The following PHACTR1 variants were observed in gnomAD, a reference collection of about 807,000 sequenced individuals.
The protein encoded by PHACTR1 is RPEL repeat containing 1.
Under a neutral mutation model 69.2 loss-of-function variants are expected in PHACTR1, and 16 were observed. The ratio of observed to expected loss-of-function variants is 0.23; its 90% CI spans 0.16 to 0.35. The LOEUF (loss-of-function observed/expected upper bound fraction) is 0.35, where lower values mean the gene tolerates loss of function less well. Ranked by LOEUF, PHACTR1 falls within the 10% of genes least tolerant of loss-of-function variation. PHACTR1 has a pLI of 1.00. For synonymous variants in PHACTR1, 312 were observed against 284.5 expected, an observed-to-expected ratio of 1.10 and a Z score of -0.97; for missense variants, 510 against 734.7, an observed-to-expected ratio of 0.69 and a Z score of 3.54.
chr6:13,023,339 A>G (rs924074979), intron 4 of PHACTR1, among the ~76,000 whole-genome samples: 29 of 152,284 alleles, frequency 1.9e-4, no homozygotes, highest in African/African-American at 6.3e-4. Context: ...AAGAGGGATG[A>G]CTTTTCTAAT....
chr6:13,198,190 G>A (rs1162763865), intron 7 of PHACTR1, among the ~76,000 whole-genome samples: 1 of 152,168 alleles, frequency 6.6e-6, no homozygotes, highest in Non-Finnish European at 1.5e-5. Flanking sequence ...AAATAGCCAC[G>A]CTCAGTGAAA....
chr6:13,134,554 G>T (rs1190909172), intron 5 of PHACTR1, among the ~76,000 whole-genome samples: 8 of 151,956 alleles, frequency 5.3e-5, no homozygotes, highest in Non-Finnish European at 1.2e-4. Flanking sequence ...GATTAAGGGC[G>T]GTGCAAGTTG....
intron 5 of PHACTR1, among the ~76,000 whole-genome samples, chr6:13,062,073 A>T (rs1284815228): frequency 1.3e-5 from 2 of 152,182 alleles, no homozygotes; most frequent in Non-Finnish European, 2.9e-5. Flanking sequence ...AGCTTCACGT[A>T]ATTGATGATA....
chr6:12,944,684 C>T (rs571482386), intron 4 of PHACTR1, among the ~76,000 whole-genome samples: 9 of 152,152 alleles, frequency 5.9e-5, no homozygotes, highest in Middle Eastern at 3.4e-3. Flanking sequence ...AGCTAGGTAA[C>T]GTAGAGAAGA....
intron 5 of PHACTR1, among the ~76,000 whole-genome samples, chr6:13,086,956 A>T (rs1394492046): frequency 6.6e-6 from 1 of 151,918 alleles, no homozygotes; most frequent in Non-Finnish European, 1.5e-5. Context: ...TATTTTAGCC[A>T]TTCTTATAGG....
At chr6:13,260,894 T>C (rs1311642705) in intron 10 of PHACTR1, among the ~76,000 whole-genome samples, 1 of 152,220 alleles carries the variant, frequency 6.6e-6, no homozygotes, top group Non-Finnish European at 1.5e-5. Context: ...TTATCAAGAA[T>C]TGATTCAGTA....
At chr6:12,726,514 G>A (rs1762815923) in intron 3 of PHACTR1, among the ~76,000 whole-genome samples, 1 of 152,102 alleles carries the variant, frequency 6.6e-6, no homozygotes, top group Non-Finnish European at 1.5e-5. Flanking sequence ...CTTCTAACCA[G>A]ACTCGAAGGA....
At chr6:13,243,695 T>A (rs1773181313) in intron 10 of PHACTR1, among the ~76,000 whole-genome samples, 1 of 152,198 alleles carries the variant, frequency 6.6e-6, no homozygotes, top group African/African-American at 2.4e-5. Flanking sequence ...ACCCAGGTAA[T>A]AAGCATAGTA....
chr6:12,939,745 A>G (rs1467459046), intron 4 of PHACTR1, among the ~76,000 whole-genome samples: 2 of 151,932 alleles, frequency 1.3e-5, no homozygotes, highest in African/African-American at 2.4e-5. Context: ...AGTCACTGGC[A>G]GAGGTGGGCT....
intron 3 of PHACTR1, among the ~76,000 whole-genome samples, chr6:12,731,217 T>C (rs1763483927): frequency 6.6e-6 from 1 of 152,124 alleles, no homozygotes; most frequent in Non-Finnish European, 1.5e-5. Flanking sequence ...GGTTTCACCA[T>C]GTTGGCCAGG....
At chr6:12,769,569 T>A (rs1057117443) in intron 4 of PHACTR1, among the ~76,000 whole-genome samples, 4 of 152,188 alleles carry the variant, frequency 2.6e-5, no homozygotes, top group Non-Finnish European at 5.9e-5. Flanking sequence ...AATATTGTAA[T>A]AGCATCTATT....
intron 4 of PHACTR1, among the ~76,000 whole-genome samples, chr6:12,881,238 T>A (rs1783066183): frequency 6.6e-6 from 1 of 152,274 alleles, no homozygotes; most frequent in East Asian, 1.9e-4. Flanking sequence ...ATGGTGAATA[T>A]TAAGGAAGAG....
intron 3 of PHACTR1, among the ~76,000 whole-genome samples, chr6:12,741,079 T>C (rs1212441758): frequency 3.9e-5 from 6 of 152,040 alleles, no homozygotes; most frequent in Admixed American, 3.9e-4. Context: ...GTTTCTAAGA[T>C]AGAAACTTAC....
intron 4 of PHACTR1, among the ~76,000 whole-genome samples, chr6:13,003,963 A>ATATATATATATATATATATATG (rs890144098): frequency 1.1e-5 from 1 of 90,254 alleles, no homozygotes; most frequent in South Asian, 3.8e-4. Context: ...ATATATATAT[A>ATATATATATATATATATATATG]TGTATATATA....
At chr6:13,033,847 G>T (rs1034478665) in intron 4 of PHACTR1, among the ~76,000 whole-genome samples, 1 of 151,690 alleles carries the variant, frequency 6.6e-6, no homozygotes, top group Non-Finnish European at 1.5e-5. Context: ...TAATAAAATT[G>T]TTCATACTTT....
chr6:13,032,895 C>T (rs1802675660), intron 4 of PHACTR1, among the ~76,000 whole-genome samples: 1 of 152,060 alleles, frequency 6.6e-6, no homozygotes, highest in Non-Finnish European at 1.5e-5. Flanking sequence ...GCTACTGTGC[C>T]CAGTGATATG....
At chr6:13,089,342 G>GCT (rs1468282198) in intron 5 of PHACTR1, among the ~76,000 whole-genome samples, 2 of 152,174 alleles carry the variant, frequency 1.3e-5, no homozygotes, top group Non-Finnish European at 2.9e-5. Context: ...GAGGGTGCAG[G>GCT]CTCTAGGGGG....
intron 4 of PHACTR1, among the ~76,000 whole-genome samples, chr6:12,805,909 T>C (rs889006420): frequency 2.6e-5 from 4 of 152,156 alleles, no homozygotes; most frequent in Non-Finnish European, 5.9e-5. Context: ...CCTATTTTCT[T>C]ATCTTCAGAT....
chr6:12,743,239 A>C (rs2127588581), intron 3 of PHACTR1, among the ~76,000 whole-genome samples: 1 of 152,042 alleles, frequency 6.6e-6, no homozygotes, highest in South Asian at 2.1e-4. Flanking sequence ...ACTAGAATCT[A>C]ATAACAGGTG....
Sources: gnomAD v4.1 joint callset for allele counts (sites outside exome capture counted in the v4.1 genomes callset) on GRCh38, gnomAD v4.1.1 for gene constraint, MANE v1.5 for transcripts, NCBI Gene and HGNC (gene_info 2026-07-23, HGNC 2026-07-21) for gene names.